Variants in ASXL2 observed in about 807,000 individuals in gnomAD.
ASXL2 encodes ASXL transcriptional regulator 2, also known as putative Polycomb group protein ASXL2.
In ASXL2, 23 loss-of-function variants were observed where a neutral mutation model predicts 122.0. The ratio of observed to expected loss-of-function variants is 0.19; its 90% CI spans 0.14 to 0.27. The LOEUF (loss-of-function observed/expected upper bound fraction) is 0.27, where lower values mean the gene tolerates loss of function less well. Among genes scored for constraint, ASXL2 ranks in the 10% least tolerant of loss-of-function variants. The pLI is 1.00. For synonymous variants in ASXL2, 650 were observed against 637.0 expected (o/e 1.02, Z -0.31); for missense variants, 1,518 against 1,713.8 (o/e 0.89, Z 2.02).
At position 25,735,003 on chromosome 2, in the gene ASXL2, A is replaced by C. The variant is rs1325706947; in HGVS notation, c.*7026T>G. 6.6e-6 allele frequency: 1 copy of C among 152,208 alleles called. No homozygotes were observed. The highest frequency in any genetic ancestry group is 1.5e-5 in the Non-Finnish European group (1 of 68,034). The allele number at this position is 152,208 out of a possible 1,614,324, so 9.4% of individuals were successfully genotyped here. On this transcript the variant is annotated 3_prime_UTR_variant, in exon 13 of 13. Transcript: ENST00000435504. ...CCTCTAGGTTTTACAATTAAGAAGA[A>C]AATCAGGATTTTTAAAAATTCCCTT...
chr2:25,871,161 G>A (rs76731737), intron 1 of ASXL2, among the ~76,000 whole-genome samples: 282 of 152,182 alleles, frequency 1.9e-3, no homozygotes, highest in Middle Eastern at 6.8e-3. Context: ...CTATGAGGAT[G>A]GCCTCTATGA....
chr2:25,827,911 C>CT (rs1201312966), intron 3 of ASXL2, among the ~76,000 whole-genome samples: 3 of 151,984 alleles, frequency 2.0e-5, no homozygotes, highest in Non-Finnish European at 4.4e-5. Context: ...TTGTTGTTTG[C>CT]TTTACCTTAC....
chr2:25,843,993 C>G (rs192412912), intron 2 of ASXL2, among the ~76,000 whole-genome samples: 3 of 152,136 alleles, frequency 2.0e-5, no homozygotes, highest in Admixed American at 2.0e-4. Context: ...CAATGTGAAG[C>G]AACGTCCAAC....
intron 10 of ASXL2, among the ~76,000 whole-genome samples, chr2:25,754,849 C>A (rs2088107004): frequency 6.6e-6 from 1 of 151,708 alleles, no homozygotes; most frequent in South Asian, 2.1e-4. Context: ...AAAGGGGTCT[C>A]TGCCCAAAAA....
intron 1 of ASXL2, chr2:25,856,434 C>T: frequency 1.3e-6 from 1 of 772,440 alleles, no homozygotes; most frequent in African/African-American, 2.0e-5. Flanking sequence ...TGGGTCTGTC[C>T]AGTGGAGTCC....
chr2:25,742,717 T>C lies in ASXL2; in HGVS notation c.3620A>G (p.Lys1207Arg). The change falls in exon 13 of 13, where the codon AAG (lysine) becomes AGG (arginine). Residue 1207 changes from lysine (K) to arginine (R), a missense_variant. By Grantham distance (26) the Lys-to-Arg change is conservative. Coordinates refer to ENST00000435504, the MANE Select transcript of ASXL2 (RefSeq NM_018263.6). ...GTGAGGTCCTGAACTTGTGTCACCC[T>C]TGCCAGCACTCTGGGAAACCTGGGG... ...EEPQVSQSAG[K>R]GDTSSGPHSR... 6.2e-7 allele frequency: 1 copy of C among 1,614,008 alleles called. No individual in the cohort carries two copies. Among genetic ancestry groups the C allele is most frequent in the East Asian group, 2.2e-5 (1 of 44,878 alleles).
chr2:25,805,609 T>G (rs1320916554), intron 4 of ASXL2, among the ~76,000 whole-genome samples: 2 of 152,192 alleles, frequency 1.3e-5, no homozygotes, highest in African/African-American at 4.8e-5. Flanking sequence ...AAGAAACAAT[T>G]ATTATACAAA....
At chr2:25,865,583 C>A (rs28558872) in intron 1 of ASXL2, among the ~76,000 whole-genome samples, 1 of 148,876 alleles carries the variant, frequency 6.7e-6, no homozygotes, top group East Asian at 2.0e-4. Flanking sequence ...CTGGCTAACA[C>A]GGTGAGACCC....
chr2:25,752,818 C>G (rs1480402138), intron 11 of ASXL2, among the ~76,000 whole-genome samples: 2 of 149,600 alleles, frequency 1.3e-5, no homozygotes, highest in East Asian at 3.9e-4. Context: ...GTACTCCAGC[C>G]TGGGCGACAA....
At chr2:25,747,140 G>A (rs1440979075) in intron 12 of ASXL2, among the ~76,000 whole-genome samples, 2 of 152,144 alleles carry the variant, frequency 1.3e-5, no homozygotes, top group South Asian at 2.1e-4. Context: ...CAAATATTGC[G>A]ATAGGTGGTT....
chr2:25,777,542 T>G (rs972709400), intron 5 of ASXL2, among the ~76,000 whole-genome samples: 1 of 151,810 alleles, frequency 6.6e-6, no homozygotes, highest in Admixed American at 6.6e-5. Flanking sequence ...ACTTGGGAGG[T>G]TGCACTCCAG....
chr2:25,878,098 C>T, intron 1 of ASXL2, 68 bp downstream of exon 1: 1 of 1,594,132 alleles, frequency 6.3e-7, no homozygotes, highest in Non-Finnish European at 8.6e-7. Context: ...ACCTCCCTTT[C>T]CCTGCGACTG....
chr2:25,799,792 A>G (rs2088967465), intron 4 of ASXL2, among the ~76,000 whole-genome samples: 1 of 152,154 alleles, frequency 6.6e-6, no homozygotes, highest in African/African-American at 2.4e-5. Flanking sequence ...TTAGACAAAA[A>G]TTGGGTAGAT....
intron 1 of ASXL2, among the ~76,000 whole-genome samples, chr2:25,877,955 G>C (rs2090023634): frequency 6.6e-6 from 1 of 152,168 alleles, no homozygotes; most frequent in Non-Finnish European, 1.5e-5. Flanking sequence ...CGCAGACGCC[G>C]AGGGACGCCA....
chr2:25,873,592 A>G (rs1201028932), intron 1 of ASXL2, among the ~76,000 whole-genome samples: 4 of 152,112 alleles, frequency 2.6e-5, no homozygotes, highest in Non-Finnish European at 4.4e-5. Context: ...ACAAAAACTA[A>G]AATCTTGTGT....
At chr2:25,750,439 C>A (rs774884725) in intron 11 of ASXL2, 26 bp from the exon 12 acceptor site, 2 of 1,547,554 alleles carry the variant, frequency 1.3e-6, no homozygotes, top group South Asian at 2.5e-5. Flanking sequence ...AAGAAATATT[C>A]CAGTTGAAAA....
intron 5 of ASXL2, among the ~76,000 whole-genome samples, chr2:25,780,976 T>C (rs987738779): frequency 6.7e-6 from 1 of 148,662 alleles, no homozygotes; most frequent in African/African-American, 2.5e-5. Context: ...CCCAGCTACT[T>C]GGGAAGCTGA....
chr2:25,744,276 TCCAACTGAGGCGGCTGCA>T lies in ASXL2; in HGVS notation c.2043_2060del (p.Ala682_Gly687del). The T allele has an allele frequency of 2.5e-6, 4 of 1,613,332 alleles. No individual in the cohort carries two copies. The highest frequency in any genetic ancestry group is 3.4e-6 in the Non-Finnish European group (4 of 1,179,706). ...CTGGGCCAGGTCCTGGAATGGTCCCTCCAACTGAGGCGGCTGCAGCAGCTGCGGCGGCAGCGGCAGCTG... is the reference window on the plus strand; with the variant it reads ...CTGGGCCAGGTCCTGGAATGGTCCCTGCAGCTGCGGCGGCAGCGGCAGCTG... On this transcript the variant is annotated inframe_deletion, in exon 13 of 13. Coordinates refer to ENST00000435504, the MANE Select transcript of ASXL2 (RefSeq NM_018263.6). This position sits in a 1 kb window ranked among gnomAD's most constrained non-coding sequence, Gnocchi z 4.7.
intron 10 of ASXL2, among the ~76,000 whole-genome samples, chr2:25,754,679 TAAAAAA>T (rs35860666): frequency 6.7e-6 from 1 of 149,512 alleles, no homozygotes; most frequent in Non-Finnish European, 1.5e-5. Context: ...GCTTGCATGT[TAAAAAA>T]AAAAGTAACA....
Sources: gnomAD v4.1 joint callset for allele counts (sites outside exome capture counted in the v4.1 genomes callset) on GRCh38, gnomAD v4.1.1 for gene constraint, Gnocchi (gnomAD v3.1) non-coding constraint, MANE v1.5 for transcripts, NCBI Gene and HGNC (gene_info 2026-07-23, HGNC 2026-07-21) for gene names.